Variants in PCDH9 observed in about 807,000 individuals in gnomAD.
PCDH9 encodes protocadherin 9.
PCDH9 carries 24 observed loss-of-function variants against 70.6 expected under a neutral mutation model. The ratio of observed to expected loss-of-function variants is 0.34; its 90% confidence interval spans 0.25 to 0.48. The LOEUF is 0.48. Ranked by LOEUF, PCDH9 falls within the 20% of genes least tolerant of loss-of-function variation. The pLI is 0.99. For synonymous variants in PCDH9, 562 were observed against 558.5 expected (o/e 1.01, Z -0.09); for missense variants, 1,281 against 1,503.6 (o/e 0.85, Z 2.45).
At chr13:66,452,019 T>C (rs1026080126) in intron 4 of PCDH9, among the ~76,000 whole-genome samples, 35 of 152,318 alleles carry the variant, frequency 2.3e-4, no homozygotes, top group Admixed American at 7.9e-4. Context: ...AATTCTGAAA[T>C]ATTCTTTTAG....
chr13:66,483,240 T>C (rs1252783842), intron 4 of PCDH9, among the ~76,000 whole-genome samples: 1 of 152,236 alleles, frequency 6.6e-6, no homozygotes, highest in Non-Finnish European at 1.5e-5. Flanking sequence ...CAGAATTGGC[T>C]CTTTCTGCAT....
intron 3 of PCDH9, among the ~76,000 whole-genome samples, chr13:66,709,443 G>A (rs1329957560): frequency 6.6e-6 from 1 of 152,096 alleles, no homozygotes; most frequent in Non-Finnish European, 1.5e-5. Flanking sequence ...AAGCAATGTG[G>A]TACACTATGC....
chr13:66,490,678 T>C (rs533398150), intron 4 of PCDH9, among the ~76,000 whole-genome samples: 60 of 152,176 alleles, frequency 3.9e-4, no homozygotes, highest in Non-Finnish European at 6.6e-4. Context: ...GGAAGAGAGT[T>C]ATCAGTTGTG....
intron 2 of PCDH9, among the ~76,000 whole-genome samples, chr13:66,932,657 C>CATATATATATATAT (rs2082831748): frequency 2.0e-5 from 1 of 50,032 alleles, no homozygotes; most frequent in Middle Eastern, 7.7e-3. Context: ...TGTAAATCCT[C>CATATATATATATAT]ACATATATAT....
chr13:66,972,154 G>C (rs1473718893), intron 2 of PCDH9, among the ~76,000 whole-genome samples: 1 of 151,798 alleles, frequency 6.6e-6, no homozygotes, highest in African/African-American at 2.4e-5. Context: ...ACACACACAT[G>C]TACACACAGA....
chr13:66,328,068 C>T (rs979307309), intron 4 of PCDH9, among the ~76,000 whole-genome samples: 13 of 152,018 alleles, frequency 8.6e-5, no homozygotes, highest in Non-Finnish European at 1.6e-4. Flanking sequence ...TATTAAGTAT[C>T]CAAAATGGAT....
chr13:66,640,621 C>G (rs570934274), intron 3 of PCDH9, among the ~76,000 whole-genome samples: 1 of 151,830 alleles, frequency 6.6e-6, no homozygotes, highest in Non-Finnish European at 1.5e-5. Flanking sequence ...TTGTAATTAC[C>G]TAGTAAGAAT....
chr13:66,377,887 T>G (rs1956777879), intron 4 of PCDH9, among the ~76,000 whole-genome samples: 1 of 152,200 alleles, frequency 6.6e-6, no homozygotes, highest in African/African-American at 2.4e-5. Context: ...TCTCTTTTCT[T>G]TTCCTAATGT....
chr13:66,350,289 T>C (rs998301422), intron 4 of PCDH9, among the ~76,000 whole-genome samples: 6 of 152,210 alleles, frequency 3.9e-5, no homozygotes, highest in Non-Finnish European at 8.8e-5. Context: ...TCCAACCATA[T>C]AGGCTGAACA....
intron 4 of PCDH9, among the ~76,000 whole-genome samples, chr13:66,406,393 G>A (rs1054806761): frequency 6.6e-6 from 1 of 152,192 alleles, no homozygotes; most frequent in Non-Finnish European, 1.5e-5. Context: ...CACAGTCAAT[G>A]TAAAAACTGC....
intron 3 of PCDH9, among the ~76,000 whole-genome samples, chr13:66,737,036 G>A (rs551186829): frequency 1.3e-5 from 2 of 152,240 alleles, no homozygotes; most frequent in African/African-American, 4.8e-5. Flanking sequence ...CCCATGAAAC[G>A]CAGGGTAGTG....
chr13:67,134,438 C>T (rs1543618), intron 2 of PCDH9, among the ~76,000 whole-genome samples: 35,236 of 151,806 alleles, frequency 0.23, 4,200 homozygotes, highest in Middle Eastern at 0.28. Context: ...ATGATCACCC[C>T]AAAGGGACCT....
chr13:67,144,961 T>C (rs954935700), intron 2 of PCDH9, among the ~76,000 whole-genome samples: 3 of 152,124 alleles, frequency 2.0e-5, no homozygotes, highest in African/African-American at 7.2e-5. Flanking sequence ...ATTTCCTGTA[T>C]ACATTAAACC....
rs191154207 is a variant in PCDH9, at chr13:67,073,420, T to C, written c.3036+151985A>G. Among the ~76,000 whole-genome samples, 25 of 152,158 alleles carry C rather than the reference T, an allele frequency of 1.6e-4. No individual in the cohort carries two copies. In the East Asian group the frequency reaches 4.4e-3, roughly 27 times the overall value. ...GGGTTTAAAACATACCTGAAAGTAA[T>C]CAAAATAATTTGTTTTTACATGAGG... is the stretch of plus-strand genomic sequence containing the variant. On this transcript the variant is annotated intron_variant, in intron 2 of 4. Coordinates refer to ENST00000377865, the MANE Select transcript of PCDH9 (RefSeq NM_203487.3).
At chr13:67,019,188 C>CTTTTT (rs60154161) in intron 2 of PCDH9, among the ~76,000 whole-genome samples, 60 of 102,700 alleles carry the variant, frequency 5.8e-4, no homozygotes, top group African/African-American at 9.5e-4. Flanking sequence ...GGCAGTTGCT[C>CTTTTT]TTTTTTTTTT....
At position 67,230,331 on chromosome 13, in the gene PCDH9, T is replaced by A. The variant is rs2089977730; in HGVS notation, c.-687A>T. Reference sequence around the variant, plus strand: ...TCTCTCCTTCTCCCTCTCCTCTCTCTGAACTGAATTTCTTGATATAACTCT... The same window carrying A: ...TCTCTCCTTCTCCCTCTCCTCTCTCAGAACTGAATTTCTTGATATAACTCT... On this transcript the variant is annotated 5_prime_UTR_variant, in exon 1 of 5. Transcript: ENST00000377865. The A allele has an allele frequency of 1.3e-5, 2 of 152,454 alleles. No individual in the cohort carries two copies. Among genetic ancestry groups the A allele is most frequent in the South Asian group, 4.1e-4 (2 of 4,826 alleles). The allele number at this position is 152,454 out of a possible 1,614,324, so 9.4% of individuals were successfully genotyped here.
chr13:67,016,232 A>T (rs1194121716), intron 2 of PCDH9, among the ~76,000 whole-genome samples: 1 of 152,180 alleles, frequency 6.6e-6, no homozygotes, highest in Non-Finnish European at 1.5e-5. Flanking sequence ...GCATAAAGAA[A>T]ATAAGACTAA....
At chr13:66,911,147 G>T (rs139612523) in intron 2 of PCDH9, among the ~76,000 whole-genome samples, 3 of 152,244 alleles carry the variant, frequency 2.0e-5, no homozygotes. Flanking sequence ...ATGCAATCAA[G>T]AATTAAGCAA....
chr13:67,176,586 A>C (rs1326909922), intron 2 of PCDH9, among the ~76,000 whole-genome samples: 3 of 152,170 alleles, frequency 2.0e-5, no homozygotes, highest in African/African-American at 7.2e-5. Flanking sequence ...CTTCAGCTAA[A>C]GTCCTACAGA....
Sources: gnomAD v4.1 joint callset for allele counts (sites outside exome capture counted in the v4.1 genomes callset) on GRCh38, gnomAD v4.1.1 for gene constraint, MANE v1.5 for transcripts, NCBI Gene and HGNC (gene_info 2026-07-23, HGNC 2026-07-21) for gene names.